Variants in SZRD1 observed in about 807,000 individuals in gnomAD.
SZRD1 encodes the protein SUZ RNA-binding domain-containing.
In SZRD1, 7 loss-of-function variants were observed where a neutral mutation model predicts 17.6. That is an observed-to-expected ratio of 0.40 (90% CI 0.23 to 0.75). SZRD1 has a LOEUF of 0.75. Among genes scored for constraint, SZRD1 ranks in the 30% least tolerant of loss-of-function variants. SZRD1 has a pLI of 0.38. For missense variants in SZRD1, 178 were observed against 201.8 expected (o/e 0.88, Z 0.71); for synonymous variants, 77 against 77.9 (o/e 0.99, Z 0.06).
intron 1 of SZRD1, chr1:16,387,367 TC>T: frequency 2.2e-6 from 1 of 454,014 alleles, no homozygotes; most frequent in Admixed American, 2.4e-5. Context: ...TCAAATTCAC[TC>T]TAATGTGTGA....
chr1:16,367,636 G>T (rs748017551), intron 1 of SZRD1: 31 of 394,586 alleles, frequency 7.9e-5, no homozygotes, highest in Non-Finnish European at 1.1e-4. Flanking sequence ...TTTCCGATGA[G>T]CCTTGTGGCC....
chr1:16,394,243 C>CG (rs2085267667), intron 3 of SZRD1, among the ~76,000 whole-genome samples: 1 of 152,156 alleles, frequency 6.6e-6, no homozygotes, highest in Non-Finnish European at 1.5e-5. Flanking sequence ...TGTTTCTCCT[C>CG]TAAGTCTTCA....
At chr1:16,378,710 A>G (rs887972058) in intron 1 of SZRD1, among the ~76,000 whole-genome samples, 9 of 151,826 alleles carry the variant, frequency 5.9e-5, no homozygotes, top group Admixed American at 1.3e-4. Context: ...GCAGGCTGGG[A>G]TGTTGTTATC....
intron 1 of SZRD1, among the ~76,000 whole-genome samples, chr1:16,374,735 GTGTTC>G (rs1414386986): frequency 1.3e-5 from 2 of 152,190 alleles, no homozygotes; most frequent in Non-Finnish European, 2.9e-5. Flanking sequence ...TCTACAAGGT[GTGTTC>G]TGTCAGGAAA....
At chr1:16,371,432 T>C (rs1450745556) in intron 1 of SZRD1, among the ~76,000 whole-genome samples, 5 of 120,508 alleles carry the variant, frequency 4.1e-5, no homozygotes, top group Admixed American at 9.1e-5. Flanking sequence ...CTCCCCCCTC[T>C]CCCTTCCTTT....
chr1:16,382,861 C>G (rs545024402), intron 1 of SZRD1, among the ~76,000 whole-genome samples: 120 of 151,154 alleles, frequency 7.9e-4, no homozygotes, highest in Non-Finnish European at 1.4e-3. Context: ...ATGTGAGCCA[C>G]ATGGATAATT....
chr1:16,393,648 G>T lies in SZRD1; in HGVS notation c.356+166G>T, dbSNP rs55688804. Among the ~76,000 whole-genome samples, 4,099 of 152,296 alleles carry T rather than the reference G, an allele frequency of 0.027. 182 individuals are homozygous for T. The highest frequency in any genetic ancestry group is 0.091 in the African/African-American group (3,796 of 41,550). ...CCTGCTGGCACTAGTTCACTGTGCC[G>T]CATTGGCTGGAGAGGGCTCTGAAAG... On this transcript the variant is annotated intron_variant, in intron 3 of 3. Coordinates refer to ENST00000401088, the MANE Select transcript of SZRD1 (RefSeq NM_001114600.3). This position sits in a 1 kb window ranked among gnomAD's most constrained non-coding sequence, Gnocchi z 5.6.
At chr1:16,392,545 G>C (rs2085236187) in intron 2 of SZRD1, among the ~76,000 whole-genome samples, 1 of 152,158 alleles carries the variant, frequency 6.6e-6, no homozygotes. Context: ...CTGTTTCTAG[G>C]AGCATCCTTC....
chr1:16,368,393 C>G (rs1030051327), intron 1 of SZRD1, among the ~76,000 whole-genome samples: 1 of 152,136 alleles, frequency 6.6e-6, no homozygotes, highest in Non-Finnish European at 1.5e-5. Context: ...GAAATTGACC[C>G]TGGCAGCAGT....
chr1:16,375,593 G>A (rs987538481), intron 1 of SZRD1, among the ~76,000 whole-genome samples: 10 of 152,106 alleles, frequency 6.6e-5, no homozygotes, highest in Non-Finnish European at 1.3e-4. Flanking sequence ...GATTACAGGC[G>A]TGAGCCACCG....
At chr1:16,384,214 T>C (rs2083151901) in intron 1 of SZRD1, among the ~76,000 whole-genome samples, 1 of 152,072 alleles carries the variant, frequency 6.6e-6, no homozygotes, top group African/African-American at 2.4e-5. Context: ...TGGAGGTTGT[T>C]TGGAGAAGTC....
At chr1:16,369,699 G>A (rs905771872) in intron 1 of SZRD1, among the ~76,000 whole-genome samples, 6 of 152,076 alleles carry the variant, frequency 3.9e-5, no homozygotes, top group Non-Finnish European at 7.4e-5. Flanking sequence ...GACCAGCCTG[G>A]CCAACATGGT....
rs767564254 is a variant in SZRD1, at chr1:16,395,045, A to G, written c.364A>G (p.Arg122Gly). 2 of 1,608,852 alleles carry G rather than the reference A, an allele frequency of 1.2e-6. No individual in the cohort carries two copies. The highest frequency in any genetic ancestry group is 1.7e-6 in the Non-Finnish European group (2 of 1,175,436). Residue 122 changes from arginine to glycine, a missense_variant, in exon 4 of 4, where the codon AGG becomes GGG. Arg to Gly is a moderately radical substitution (Grantham distance 125, BLOSUM62 -2). This residue lies in a region of SZRD1 where 57 missense variants were observed against 71.9 expected (regional missense o/e 0.79). Transcript: ENST00000401088. ...QEKPILDRPT[R>G]ISQPEDSRQP... ...TGCTTTTCTTCCTTTCAGGCCAACCAGGATCTCCCAACCCGAAGACAGCAG... is the reference window on the plus strand; with the variant it reads ...TGCTTTTCTTCCTTTCAGGCCAACCGGGATCTCCCAACCCGAAGACAGCAG...
At chr1:16,387,106 A>G (rs1470085220) in intron 1 of SZRD1, 3 of 341,486 alleles carry the variant, frequency 8.8e-6, no homozygotes, top group Non-Finnish European at 1.7e-5. Flanking sequence ...GACAGCCATA[A>G]TACATTATAT....
chr1:16,378,674 G>C (rs2083042821), intron 1 of SZRD1, among the ~76,000 whole-genome samples: 1 of 152,110 alleles, frequency 6.6e-6, no homozygotes, highest in South Asian at 2.1e-4. Context: ...ACCTGGGCTT[G>C]CACTGACCTG....
chr1:16,369,722 C>T (rs1236493033), intron 1 of SZRD1, among the ~76,000 whole-genome samples: 1 of 152,084 alleles, frequency 6.6e-6, no homozygotes, highest in Non-Finnish European at 1.5e-5. Flanking sequence ...AACCCCATCT[C>T]TACTAAAAAT....
At chr1:16,370,579 GC>G (rs561570729) in intron 1 of SZRD1, among the ~76,000 whole-genome samples, 61 of 150,352 alleles carry the variant, frequency 4.1e-4, no homozygotes, top group African/African-American at 1.5e-3. Context: ...CCCAGGCTGG[GC>G]CTCCCAGTAG....
At position 16,395,365 on chromosome 1, in the gene SZRD1, G is replaced by A; in HGVS notation, c.*225G>A. 2 of 561,174 alleles carry A rather than the reference G, an allele frequency of 3.6e-6. No homozygotes were observed. The highest frequency in any genetic ancestry group is 3.9e-5 in the South Asian group (2 of 51,104). 34.8% of individuals were successfully genotyped at this position (561,174 alleles called of 1,614,324 possible). On this transcript the variant is annotated 3_prime_UTR_variant, in exon 4 of 4. Transcript: ENST00000401088. ...TGTGATTGGCACATCGACAAGGGCTGTCCCAAGTCAATGGAAAGGGAAAGG... is the reference window on the plus strand; with the variant it reads ...TGTGATTGGCACATCGACAAGGGCTATCCCAAGTCAATGGAAAGGGAAAGG...
chr1:16,368,078 T>G (rs574926292), intron 1 of SZRD1: 1 of 152,210 alleles, frequency 6.6e-6, no homozygotes, highest in South Asian at 2.1e-4. Flanking sequence ...GTTCGACTTG[T>G]TTTTGGAGTT....
Sources: allele counts gnomAD v4.1 joint callset (sites outside exome capture counted in the v4.1 genomes callset), GRCh38; gene constraint gnomAD v4.1.1; regional missense constraint gnomAD v4.1.1; non-coding constraint Gnocchi (gnomAD v3.1); transcripts MANE v1.5; gene names NCBI Gene and HGNC (gene_info 2026-07-23, HGNC 2026-07-21).